CENPM: variants seen among roughly 807,000 people sequenced by gnomAD.
The protein encoded by CENPM is centromere protein M, also known as interphase centromere complex protein 39.
In CENPM, 14 loss-of-function variants were observed where a neutral mutation model predicts 19.6. That is an observed-to-expected ratio of 0.71 (90% confidence interval 0.47 to 1.11). The LOEUF is 1.11. Ranked by LOEUF, CENPM falls within the 50% of genes most tolerant of loss-of-function variation. CENPM has a pLI of 0.00. For synonymous variants in CENPM, 114 were observed against 101.5 expected (o/e 1.12, Z -0.74); for missense variants, 239 against 228.4 (o/e 1.05, Z -0.30).
chr22:41,946,903 GC>G, intron 1 of CENPM, 116 bp downstream of exon 1: 1 of 1,041,362 alleles, frequency 9.6e-7, no homozygotes, highest in South Asian at 1.4e-5. Flanking sequence ...CCTATTCCCC[GC>G]CCCCGCCACG....
downstream of CENPM, among the ~76,000 whole-genome samples, chr22:41,937,550 T>C (rs1010012073): frequency 2.0e-5 from 3 of 151,910 alleles, no homozygotes; most frequent in East Asian, 3.9e-4. Flanking sequence ...CCGCCTCGGC[T>C]TTCCATGTGA....
At chr22:41,929,110 T>G in the CENPM span, among the ~76,000 whole-genome samples, 2 of 110,990 alleles carry the variant, frequency 1.8e-5, no homozygotes, top group South Asian at 3.0e-4. Flanking sequence ...TGTATGGTGA[T>G]GTGGGGGTGG....
At chr22:41,946,341 C>A in intron 2 of CENPM, 76 bp downstream of exon 2, 1 of 1,275,092 alleles carries the variant, frequency 7.8e-7, no homozygotes, top group Non-Finnish European at 1.1e-6. Flanking sequence ...CGCTGGGCTT[C>A]GGAGTTTAGC....
downstream of CENPM, among the ~76,000 whole-genome samples, chr22:41,935,071 C>T (rs1011658990): frequency 1.3e-5 from 2 of 152,242 alleles, no homozygotes; most frequent in African/African-American, 4.8e-5. Context: ...CAGGCCAGCC[C>T]CCAACTCTAG....
the CENPM span, among the ~76,000 whole-genome samples, chr22:41,928,381 C>T: frequency 3.3e-5 from 5 of 152,286 alleles, no homozygotes; most frequent in Admixed American, 1.3e-4. This position sits in a 1 kb window ranked among gnomAD's most constrained non-coding sequence, Gnocchi z 4.0. Flanking sequence ...CAAGCCCCTC[C>T]GCCCTCCTGG....
chr22:41,930,504 A>C, the CENPM span, among the ~76,000 whole-genome samples: 1 of 151,732 alleles, frequency 6.6e-6, no homozygotes, highest in African/African-American at 2.4e-5. Context: ...GCCTGGCCTA[A>C]TTTCTTTTCT....
Position 41,946,930 on chromosome 22 carries a change from T to G in CENPM, c.57+90A>C, listed in dbSNP as rs1015722464. On this transcript the variant is annotated intron_variant, in intron 1 of 5. Transcript: ENST00000215980. ...CCCCGCCACGGTAGCGCGCGCTGGC[T>G]TGGCGCCTCAGAGAGCTCAGTTGAC... 2.2e-6 allele frequency: 3 copies of G among 1,365,894 alleles called. No individual in the cohort carries two copies. The African/African-American group carries it at 4.3e-5, about 20-fold the overall frequency. The allele number at this position is 1,365,894 out of a possible 1,614,324, so 84.6% of individuals were successfully genotyped here. A position where few individuals can be genotyped will look rare whatever the true frequency, so the allele number is the denominator to read the frequency against.
the CENPM span, among the ~76,000 whole-genome samples, chr22:41,930,537 C>A: frequency 6.6e-6 from 1 of 151,812 alleles, no homozygotes; most frequent in Non-Finnish European, 1.5e-5. Context: ...TGGAGTTTCA[C>A]TCTTATCGCC....
downstream of CENPM, among the ~76,000 whole-genome samples, chr22:41,934,106 C>A (rs1450447982): frequency 6.6e-6 from 1 of 152,202 alleles, no homozygotes; most frequent in Non-Finnish European, 1.5e-5. Flanking sequence ...GCTCCTGTTC[C>A]CACTGCACCA....
the CENPM span, among the ~76,000 whole-genome samples, chr22:41,928,724 C>G: frequency 6.6e-6 from 1 of 152,050 alleles, no homozygotes; most frequent in African/African-American, 2.4e-5. This position sits in a 1 kb window ranked among gnomAD's most constrained non-coding sequence, Gnocchi z 4.0. Flanking sequence ...AGCATCCGGG[C>G]TGCGGATGGG....
intron 5 of CENPM, 110 bp downstream of exon 5, chr22:41,943,500 C>T (rs1231240721): frequency 6.7e-6 from 6 of 898,148 alleles, no homozygotes; most frequent in African/African-American, 3.4e-5. Flanking sequence ...GGAGCTGCCT[C>T]GCTCGGATAC....
intron 4 of CENPM, 87 bp downstream of exon 4, chr22:41,945,138 A>AC: frequency 6.3e-7 from 1 of 1,598,852 alleles, no homozygotes; most frequent in Non-Finnish European, 8.5e-7. Context: ...TCTTTCCATC[A>AC]CCCAGGGTGC....
intron 5 of CENPM, among the ~76,000 whole-genome samples, chr22:41,939,736 C>T (rs75762735): frequency 0.034 from 3,531 of 102,554 alleles, 76 homozygotes; most frequent in Non-Finnish European, 0.052. Flanking sequence ...GTTCTAGACA[C>T]GTCCGCTGGA....
chr22:41,946,226 T>C, intron 2 of CENPM, 191 bp downstream of exon 2: 2 of 648,636 alleles, frequency 3.1e-6, no homozygotes, highest in Non-Finnish European at 5.4e-6. Context: ...AGAAACGGGC[T>C]CTGTTTAGTC....
intron 3 of CENPM, 86 bp from the exon 4 acceptor site, chr22:41,945,390 C>T (rs754579287): frequency 1.3e-6 from 2 of 1,583,460 alleles, no homozygotes; most frequent in African/African-American, 1.4e-5. Flanking sequence ...TTCTCTGATC[C>T]TAGAGGCCAG....
At chr22:41,932,073 G>A in the CENPM span, among the ~76,000 whole-genome samples, 1 of 152,066 alleles carries the variant, frequency 6.6e-6, no homozygotes, top group Non-Finnish European at 1.5e-5. The surrounding 1 kb of genome is among the most constrained non-coding windows in gnomAD (Gnocchi z 4.3). Flanking sequence ...TCGTGTAGGT[G>A]TACACACAAA....
chr22:41,945,570 C>A (rs1170226061), intron 3 of CENPM, among the ~76,000 whole-genome samples: 1 of 151,764 alleles, frequency 6.6e-6, no homozygotes, highest in Non-Finnish European at 1.5e-5. Flanking sequence ...CCTGCCTCAG[C>A]CTCCCGAGTA....
At chr22:41,939,634 C>A (rs2077708443) in intron 5 of CENPM, among the ~76,000 whole-genome samples, 1 of 151,402 alleles carries the variant, frequency 6.6e-6, no homozygotes, top group Non-Finnish European at 1.5e-5. Context: ...GTGGCCCTCA[C>A]CACAGATAAG....
chr22:41,940,174 T>C, intron 5 of CENPM: 1 of 769,636 alleles, frequency 1.3e-6, no homozygotes, highest in East Asian at 2.5e-5. Context: ...ACTCGGCCCA[T>C]GCACTTGCTG....
Sources: gnomAD v4.1 joint callset for allele counts (sites outside exome capture counted in the v4.1 genomes callset) on GRCh38, gnomAD v4.1.1 for gene constraint, Gnocchi (gnomAD v3.1) non-coding constraint, MANE v1.5 for transcripts, NCBI Gene and HGNC (gene_info 2026-07-23, HGNC 2026-07-21) for gene names.